PTGFRN: variants seen among roughly 807,000 people sequenced by gnomAD.
PTGFRN encodes the protein prostaglandin F2 receptor negative regulator.
In PTGFRN, 35 loss-of-function variants were observed where a neutral mutation model predicts 83.2. The ratio of observed to expected loss-of-function variants is 0.42; its 90% CI spans 0.32 to 0.56. The LOEUF (loss-of-function observed/expected upper bound fraction) is 0.56, where lower values mean the gene tolerates loss of function less well. Among genes scored for constraint, PTGFRN ranks in the 20% least tolerant of loss-of-function variants. PTGFRN has a pLI of 0.11. For missense variants in PTGFRN, 1,051 were observed against 1,179.5 expected, an observed-to-expected ratio of 0.89 and a Z score of 1.60; for synonymous variants, 519 against 498.6, an observed-to-expected ratio of 1.04 and a Z score of -0.55.
At chr1:116,934,683 T>C (rs1237930015) in intron 1 of PTGFRN, among the ~76,000 whole-genome samples, 1 of 152,098 alleles carries the variant, frequency 6.6e-6, no homozygotes, top group Admixed American at 6.5e-5. Context: ...TATTGTCTTA[T>C]TTTTTCTCTT....
At chr1:116,920,688 A>T (rs997681164) in intron 1 of PTGFRN, among the ~76,000 whole-genome samples, 1 of 152,130 alleles carries the variant, frequency 6.6e-6, no homozygotes, top group East Asian at 1.9e-4. Context: ...CAGTGGGGCA[A>T]TCTTGGCTCA....
chr1:116,919,339 C>T (rs985869871), intron 1 of PTGFRN, among the ~76,000 whole-genome samples: 2 of 152,170 alleles, frequency 1.3e-5, no homozygotes, highest in African/African-American at 2.4e-5. Context: ...CTTTCCTTCC[C>T]AATAAATTCC....
chr1:116,960,692 T>G (rs4659168), intron 4 of PTGFRN, among the ~76,000 whole-genome samples: 152,136 of 152,298 alleles, frequency 1, 75,987 homozygotes, highest in Middle Eastern at 1. Flanking sequence ...AGTGAGGACA[T>G]AAATATGTAG....
chr1:116,966,963 A>C lies in PTGFRN; in HGVS notation c.1692A>C (p.Gly564=). The part of the protein sequence containing the change: ...ARQPKPFFAA[G]NTFEMTCKVS... ...AGCCAAAGCCTTTCTTTGCTGCCGG[A>C]AATACATTTGAGATGACTTGCAAAG... The change falls in exon 6 of 9, where the codon GGA becomes GGC. Residue 564 remains glycine, a synonymous_variant. Coordinates refer to ENST00000393203, the MANE Select transcript of PTGFRN (RefSeq NM_020440.4). The C allele has an allele frequency of 6.2e-7, 1 of 1,611,820 alleles. No individual in the cohort carries two copies. Among genetic ancestry groups the C allele is most frequent in the Non-Finnish European group, 8.5e-7 (1 of 1,178,092 alleles).
At chr1:116,951,558 G>C (rs1213381747) in intron 4 of PTGFRN, among the ~76,000 whole-genome samples, 1 of 152,222 alleles carries the variant, frequency 6.6e-6, no homozygotes, top group Non-Finnish European at 1.5e-5. Context: ...AGGAAAGCTA[G>C]AATTGCTAAG....
intron 1 of PTGFRN, among the ~76,000 whole-genome samples, chr1:116,929,100 C>G (rs937302454): frequency 2.0e-5 from 3 of 152,232 alleles, no homozygotes; most frequent in Non-Finnish European, 2.9e-5. Flanking sequence ...TTGCTTCCCT[C>G]TAATTACTTT....
In PTGFRN at chr1:116,909,959, G is replaced by C. The variant is rs1458679115; in HGVS notation, c.-245G>C. The C allele has an allele frequency of 5.3e-6, 3 of 566,434 alleles. No individual in the cohort carries two copies. The highest frequency in any genetic ancestry group is 9.4e-6 in the Non-Finnish European group (3 of 320,472). The allele number at this position is 566,434 out of a possible 1,614,324, so 35.1% of individuals were successfully genotyped here. On this transcript the variant is annotated 5_prime_UTR_variant, in exon 1 of 9. Transcript: ENST00000393203. ...GCGGTCGGGGCTGCACACTCGGATC[G>C]GCGGGGCCGGCTCCCGGGCCCGGCC...
At chr1:116,980,886 A>G (rs1282606317) in intron 7 of PTGFRN, among the ~76,000 whole-genome samples, 5 of 152,230 alleles carry the variant, frequency 3.3e-5, no homozygotes, top group Non-Finnish European at 7.3e-5. Flanking sequence ...GTCTGTCCTC[A>G]TGGAGCTTGG....
Position 116,961,099 on chromosome 1 carries a change from A to C in PTGFRN, c.1214-144A>C. 2.2e-6 allele frequency: 2 copies of C among 915,436 alleles called. No individual in the cohort carries two copies. The highest frequency in any genetic ancestry group is 3.1e-6 in the Non-Finnish European group (2 of 654,250). The allele number at this position is 915,436 out of a possible 1,614,324, so 56.7% of individuals were successfully genotyped here. On this transcript the variant is annotated intron_variant, in intron 4 of 8. Transcript: ENST00000393203. This position sits in a 1 kb window ranked among gnomAD's most constrained non-coding sequence, Gnocchi z 5.4. ...ACTGTTCTAGGATCCTATCCAATGC[A>C]ACGACTGATTTCTGTCTCTCTAGTC... is the stretch of plus-strand genomic sequence containing the variant.
intron 7 of PTGFRN, among the ~76,000 whole-genome samples, chr1:116,979,565 C>T (rs1470932831): frequency 1.3e-5 from 2 of 152,076 alleles, no homozygotes; most frequent in East Asian, 1.9e-4. Flanking sequence ...AAAATAATAC[C>T]ACACATCTAC....
In PTGFRN at chr1:116,961,560, G is replaced by A; in HGVS notation, c.1531G>A (p.Gly511Ser). 2 of 1,614,166 alleles carry A rather than the reference G, an allele frequency of 1.2e-6. No homozygotes were observed. Among genetic ancestry groups the A allele is most frequent in the Non-Finnish European group, 1.7e-6 (2 of 1,180,032 alleles). ...RIQRTTEEDR[G>S]NYYCVVSAWT... is the part of the protein sequence containing the mutation. ...CCAAAGGACTACAGAGGAAGACAGAGGCAATTATTACTGTGTTGTGTCTGC... is the reference window on the plus strand; with the variant it reads ...CCAAAGGACTACAGAGGAAGACAGAAGCAATTATTACTGTGTTGTGTCTGC... Residue 511 changes from glycine to serine, a missense_variant, in exon 5 of 9, where the codon GGC becomes AGC. This residue lies in a region of PTGFRN where 719 missense variants were observed against 836.6 expected (regional missense o/e 0.86). Coordinates refer to ENST00000393203, the MANE Select transcript of PTGFRN (RefSeq NM_020440.4). The surrounding 1 kb of genome is among the most constrained non-coding windows in gnomAD (Gnocchi z 5.4).
At chr1:116,984,514 G>A (rs2101092755) in intron 7 of PTGFRN, among the ~76,000 whole-genome samples, 166 bp from the exon 8 acceptor site, 1 of 152,290 alleles carries the variant, frequency 6.6e-6, no homozygotes, top group Non-Finnish European at 1.5e-5. Flanking sequence ...CAGAATAAAA[G>A]TATGATAGTG....
chr1:116,950,858 T>C (rs549039248), intron 4 of PTGFRN, among the ~76,000 whole-genome samples: 11 of 152,326 alleles, frequency 7.2e-5, no homozygotes, highest in Admixed American at 2.0e-4. Flanking sequence ...GCAAGCTTTT[T>C]ATTCCTGCCG....
At chr1:116,979,260 A>G (rs140137999) in intron 7 of PTGFRN, among the ~76,000 whole-genome samples, 10,305 of 152,298 alleles carry the variant, frequency 0.068, 404 homozygotes, top group Non-Finnish European at 0.084. Context: ...CCTCATGGAT[A>G]GGAAGAATCA....
chr1:116,926,667 A>G (rs1479266785), intron 1 of PTGFRN, among the ~76,000 whole-genome samples: 2 of 152,226 alleles, frequency 1.3e-5, no homozygotes, highest in Non-Finnish European at 2.9e-5. Flanking sequence ...TTTGCAAACT[A>G]TAAAGCAATG....
chr1:116,930,131 C>T (rs1258528614), intron 1 of PTGFRN, among the ~76,000 whole-genome samples: 1 of 152,222 alleles, frequency 6.6e-6, no homozygotes, highest in Non-Finnish European at 1.5e-5. Context: ...TAGGAAACAG[C>T]TCCTGCTTTA....
intron 4 of PTGFRN, among the ~76,000 whole-genome samples, chr1:116,960,033 G>A (rs1297227611): frequency 6.6e-6 from 1 of 152,172 alleles, no homozygotes; most frequent in Admixed American, 6.5e-5. Flanking sequence ...CATTCAGGCA[G>A]TAAACATTTA....
At chr1:116,932,667 C>T (rs913726056) in intron 1 of PTGFRN, among the ~76,000 whole-genome samples, 4 of 152,146 alleles carry the variant, frequency 2.6e-5, no homozygotes, top group Non-Finnish European at 1.5e-5. Context: ...TATAATATTT[C>T]TTCTTTCAGT....
chr1:116,945,711 A>G (rs1273875178), intron 3 of PTGFRN, among the ~76,000 whole-genome samples: 1 of 150,306 alleles, frequency 6.7e-6, no homozygotes, highest in East Asian at 1.9e-4. Context: ...GGGTCTGTAC[A>G]AGAAGCCCTT....
Sources: allele counts gnomAD v4.1 joint callset (sites outside exome capture counted in the v4.1 genomes callset), GRCh38; gene constraint gnomAD v4.1.1; regional missense constraint gnomAD v4.1.1; non-coding constraint Gnocchi (gnomAD v3.1); transcripts MANE v1.5; gene names NCBI Gene and HGNC (gene_info 2026-07-23, HGNC 2026-07-21).